PLEKHG5: variants seen among roughly 807,000 people sequenced by gnomAD.
PLEKHG5 encodes pleckstrin homology domain-containing family G member 5.
Under a neutral mutation model 103.8 loss-of-function variants are expected in PLEKHG5, and 52 were observed. The ratio of observed to expected loss-of-function variants is 0.50; its 90% CI spans 0.40 to 0.63. The LOEUF is 0.63. Ranked by LOEUF, PLEKHG5 falls within the 30% of genes least tolerant of loss-of-function variation. The probability of loss-of-function intolerance (pLI) is 0.00; values close to 1 mark genes in which losing one functional copy is unlikely to be tolerated. For synonymous variants in PLEKHG5, 592 were observed against 575.5 expected (o/e 1.03, Z -0.41); for missense variants, 1,205 against 1,347.6 (o/e 0.89, Z 1.66).
intron 12 of PLEKHG5, 180 bp from the exon 13 acceptor site, chr1:6,471,280 T>A: frequency 1.3e-6 from 1 of 764,744 alleles, no homozygotes; most frequent in Admixed American, 2.2e-5. Flanking sequence ...TGACCACCCG[T>A]GGCCAGGGAT....
chr1:6,484,237 C>T (rs1644969359), intron 1 of PLEKHG5, among the ~76,000 whole-genome samples: 1 of 152,212 alleles, frequency 6.6e-6, no homozygotes, highest in Non-Finnish European at 1.5e-5. Context: ...CCCTGGATCC[C>T]TTGAAAGCCT....
In PLEKHG5 at chr1:6,490,537, G is replaced by C; in HGVS notation, c.-88+1100C>G. On this transcript the variant is annotated intron_variant, in intron 1 of 20. Coordinates refer to ENST00000377728, the MANE Select transcript of PLEKHG5 (RefSeq NM_020631.6). The surrounding 1 kb of genome is among the most constrained non-coding windows in gnomAD (Gnocchi z 8.0). Reference sequence around the variant, plus strand: ...GCCTCATGGGGCGCGCGGGGAGAGGGGGACGGGAGCCGCGGGACGGGCTCA... The same window carrying C: ...GCCTCATGGGGCGCGCGGGGAGAGGCGGACGGGAGCCGCGGGACGGGCTCA... 1.0e-6 allele frequency: 1 copy of C among 985,522 alleles called. No homozygotes were observed. The highest frequency in any genetic ancestry group is 1.2e-6 in the Non-Finnish European group (1 of 830,002). The allele number at this position is 985,522 out of a possible 1,614,324, so 61.0% of individuals were successfully genotyped here.
At chr1:6,471,364 G>C (rs777928961) in intron 12 of PLEKHG5, 124 bp downstream of exon 12, 1 of 1,154,176 alleles carries the variant, frequency 8.7e-7, no homozygotes, top group African/African-American at 1.5e-5. Context: ...GCCACAAGGG[G>C]TCAAGTGCGG....
At chr1:6,472,502 G>T in intron 10 of PLEKHG5, 25 bp downstream of exon 10, 1 of 1,525,518 alleles carries the variant, frequency 6.6e-7, no homozygotes. Flanking sequence ...GGGTGGCCAC[G>T]GGGACCAGCG....
chr1:6,484,915 C>A (rs375508149), intron 1 of PLEKHG5, among the ~76,000 whole-genome samples: 4 of 152,190 alleles, frequency 2.6e-5, no homozygotes, highest in East Asian at 3.9e-4. Context: ...GAGAACCAGG[C>A]GTCCACCCTC....
At chr1:6,475,748 C>T (rs1323648620) in intron 3 of PLEKHG5, among the ~76,000 whole-genome samples, 183 bp downstream of exon 3, 1 of 152,252 alleles carries the variant, frequency 6.6e-6, no homozygotes, top group African/African-American at 2.4e-5. Context: ...TCCCAAGCAC[C>T]CTGGAGGCTG....
At chr1:6,470,462 T>G in intron 15 of PLEKHG5, 44 bp downstream of exon 15, 1 of 1,611,080 alleles carries the variant, frequency 6.2e-7, no homozygotes, top group Non-Finnish European at 8.5e-7. Context: ...CAGCTGGGCC[T>G]TCCTCTCTCC....
rs1301046164 is a variant in PLEKHG5, at chr1:6,505,057, G to A, written c.-164-8488C>T. Among the ~76,000 whole-genome samples the A allele has an allele frequency of 6.6e-6, 1 of 152,140 alleles. No individual in the cohort carries two copies. The highest frequency in any genetic ancestry group is 1.5e-5 in the Non-Finnish European group (1 of 68,020). On this transcript the variant is annotated intron_variant, in intron 1 of 21. Transcript: ENST00000377740. The surrounding 1 kb of genome is among the most constrained non-coding windows in gnomAD (Gnocchi z 4.2). ...TGCTCCCTGGGCTTGTGGCCTGGGG[G>A]AGGCCAGCTCCTGGGCCCGAGGATG... is the stretch of plus-strand genomic sequence containing the variant.
chr1:6,517,861 G>A (rs1638666020), intron 1 of PLEKHG5, among the ~76,000 whole-genome samples: 1 of 152,220 alleles, frequency 6.6e-6, no homozygotes, highest in Non-Finnish European at 1.5e-5. Context: ...AACTCGGGTA[G>A]GAGAATGTTA....
rs545486057 is a variant in PLEKHG5, at chr1:6,484,455, G to C, written c.-87-6797C>G. ...GAACCAGGTGGTTTCCGACTTCGTC[G>C]AGCAGATCTGGTTGACGATGAAGTT... On this transcript the variant is annotated intron_variant, in intron 1 of 20. Coordinates refer to ENST00000377728, the MANE Select transcript of PLEKHG5 (RefSeq NM_020631.6). 7.2e-5 allele frequency among the ~76,000 whole-genome samples: 11 copies of C among 152,320 alleles called. No homozygotes were observed. In the South Asian group the frequency reaches 1.5e-3, roughly 20 times the overall value.
chr1:6,509,692 G>C (rs1425931301), intron 1 of PLEKHG5, among the ~76,000 whole-genome samples: 1 of 152,176 alleles, frequency 6.6e-6, no homozygotes, highest in Non-Finnish European at 1.5e-5. Flanking sequence ...GGCAGCCCCC[G>C]GCAGGGGAGG....
chr1:6,519,572 G>A (rs538047164), exon 1 of PLEKHG5: 4 of 1,260,306 alleles, frequency 3.2e-6, no homozygotes, highest in East Asian at 2.3e-5. Flanking sequence ...AATGCCACAG[G>A]CCTCTCTAAT....
At chr1:6,478,979 A>G (rs1439849095) in intron 1 of PLEKHG5, among the ~76,000 whole-genome samples, 1 of 152,094 alleles carries the variant, frequency 6.6e-6, no homozygotes, top group East Asian at 1.9e-4. Flanking sequence ...CAAAAATTAT[A>G]AGAATAGCAC....
At chr1:6,481,880 A>G (rs1218915387) in intron 1 of PLEKHG5, among the ~76,000 whole-genome samples, 4 of 149,120 alleles carry the variant, frequency 2.7e-5, no homozygotes, top group African/African-American at 9.9e-5. Flanking sequence ...AAAAAAAGCC[A>G]AAAGGGTTAA....
chr1:6,516,796 G>GTA (rs1292289303), intron 1 of PLEKHG5, among the ~76,000 whole-genome samples: 1 of 14,418 alleles, frequency 6.9e-5, no homozygotes, highest in Non-Finnish European at 2.8e-4. Flanking sequence ...TTATATATAT[G>GTA]TGTATATATA....
chr1:6,477,563 A>G lies in PLEKHG5; in HGVS notation c.9T>C (p.Tyr3=). 6.2e-7 allele frequency: 1 copy of G among 1,612,674 alleles called. No homozygotes were observed. Among genetic ancestry groups the G allele is most frequent in the Non-Finnish European group, 8.5e-7 (1 of 1,179,980 alleles). ...GAAGGTCGAAGCGGACATGCCCATCATAATGCATGGTGCTGTGGAACTTGC... is the reference window on the plus strand; with the variant it reads ...GAAGGTCGAAGCGGACATGCCCATCGTAATGCATGGTGCTGTGGAACTTGC... The part of the protein sequence containing the change: MH[Y]DGHVRFDLPP... Residue 3 remains tyrosine, a synonymous_variant, in exon 2 of 21, where the codon TAT becomes TAC. Coordinates refer to ENST00000377728, the MANE Select transcript of PLEKHG5 (RefSeq NM_020631.6).
At chr1:6,508,269 C>T (rs1166386413) in intron 1 of PLEKHG5, among the ~76,000 whole-genome samples, 2 of 152,192 alleles carry the variant, frequency 1.3e-5, no homozygotes, top group African/African-American at 4.8e-5. Flanking sequence ...GAGGAGGAGG[C>T]CGGGCTCCAC....
At chr1:6,470,195 A>C (rs1181032621) in intron 16 of PLEKHG5, 41 bp downstream of exon 16, 11 of 1,607,962 alleles carry the variant, frequency 6.8e-6, no homozygotes, top group Non-Finnish European at 9.4e-6. Context: ...GGAGGTCCCT[A>C]GGAAGGGCAG....
intron 1 of PLEKHG5, among the ~76,000 whole-genome samples, chr1:6,518,933 T>C (rs1447387460): frequency 6.6e-6 from 1 of 152,220 alleles, no homozygotes; most frequent in East Asian, 1.9e-4. Context: ...AAGCTCCGCT[T>C]CCCGGGTTCA....
Sources: gnomAD v4.1 joint callset for allele counts (sites outside exome capture counted in the v4.1 genomes callset) on GRCh38, gnomAD v4.1.1 for gene constraint, Gnocchi (gnomAD v3.1) non-coding constraint, MANE v1.5 for transcripts, NCBI Gene and HGNC (gene_info 2026-07-23, HGNC 2026-07-21) for gene names.